Variants in L3MBTL4 observed in about 807,000 individuals in gnomAD.
L3MBTL4 encodes the protein L3MBTL histone methyl-lysine binding protein 4.
L3MBTL4 carries 70 observed loss-of-function variants against 84.5 expected under a neutral mutation model. That is an observed-to-expected ratio of 0.83 (90% CI 0.68 to 1.01). The LOEUF (loss-of-function observed/expected upper bound fraction) is 1.01, where lower values mean the gene tolerates loss of function less well. Ranked by LOEUF, L3MBTL4 falls within the 50% of genes least tolerant of loss-of-function variation. The probability of loss-of-function intolerance (pLI) is 0.00; values close to 1 mark genes in which losing one functional copy is unlikely to be tolerated. For synonymous variants in L3MBTL4, 274 were observed against 259.8 expected (o/e 1.05, Z -0.52); for missense variants, 715 against 754.8 (o/e 0.95, Z 0.62).
chr18:6,168,371 T>G (rs1390051245), intron 13 of L3MBTL4, among the ~76,000 whole-genome samples: 1 of 152,060 alleles, frequency 6.6e-6, no homozygotes, highest in African/African-American at 2.4e-5. Flanking sequence ...CATTGCCAAG[T>G]CAATCCTAAG....
intron 16 of L3MBTL4, among the ~76,000 whole-genome samples, chr18:6,053,755 A>C (rs2056918445): frequency 6.6e-6 from 1 of 152,072 alleles, no homozygotes; most frequent in Non-Finnish European, 1.5e-5. Context: ...TTCCCCAGTA[A>C]ACTCTTTCTT....
At chr18:6,249,898 T>G (rs1371816579) in intron 5 of L3MBTL4, among the ~76,000 whole-genome samples, 1 of 152,160 alleles carries the variant, frequency 6.6e-6, no homozygotes, top group Non-Finnish European at 1.5e-5. Context: ...GTGAATAAAC[T>G]TTCTCTAGGT....
intron 11 of L3MBTL4, among the ~76,000 whole-genome samples, chr18:6,213,666 C>A (rs1409544530): frequency 6.7e-6 from 1 of 148,890 alleles, no homozygotes; most frequent in African/African-American, 2.4e-5. Flanking sequence ...CCCACCTCGG[C>A]ATCCCAAAGT....
intron 16 of L3MBTL4, among the ~76,000 whole-genome samples, chr18:6,053,892 A>G (rs2145829263): frequency 6.6e-6 from 1 of 152,348 alleles, no homozygotes; most frequent in East Asian, 1.9e-4. Context: ...GAAAAAAATC[A>G]TGGCGTGCAA....
At chr18:6,358,729 T>G (rs1414077423) in intron 1 of L3MBTL4, among the ~76,000 whole-genome samples, 2 of 152,174 alleles carry the variant, frequency 1.3e-5, no homozygotes, top group African/African-American at 4.8e-5. Context: ...CTCAGGAAAC[T>G]TGGCTCTTCA....
chr18:6,040,591 TG>T (rs1464367842), intron 16 of L3MBTL4, among the ~76,000 whole-genome samples: 1 of 152,244 alleles, frequency 6.6e-6, no homozygotes, highest in Non-Finnish European at 1.5e-5. Context: ...CTGTTGAGTG[TG>T]GGTGATAGAC....
rs559096092 is a variant in L3MBTL4 at position 6,103,985 on chromosome 18, A to ATGCTC, written c.1200-10462_1200-10458dup. ...CCTGCTGCCCTCCCCACAACAAGCC[A>ATGCTC]TGCTCTGCGGAGTCCTGTGGGGCAC... On this transcript the variant is annotated intron_variant, in intron 14 of 18. Transcript: ENST00000317931. Among the ~76,000 whole-genome samples the ATGCTC allele has an allele frequency of 3.7e-4, 57 of 152,320 alleles. 2 individuals carry two copies. The East Asian group carries it at 9.8e-3, about 26-fold the overall frequency.
intron 15 of L3MBTL4, among the ~76,000 whole-genome samples, chr18:6,092,607 A>C: frequency 6.6e-6 from 1 of 152,186 alleles, no homozygotes; most frequent in South Asian, 2.1e-4. Context: ...CTCTCTGTCT[A>C]GCCTTTCTTG....
chr18:6,165,851 C>G (rs755529006), intron 13 of L3MBTL4, among the ~76,000 whole-genome samples: 6 of 152,062 alleles, frequency 3.9e-5, no homozygotes, highest in Admixed American at 1.3e-4. Context: ...AAATGTAAAT[C>G]GGCTAAATGC....
intron 17 of L3MBTL4, among the ~76,000 whole-genome samples, chr18:5,964,958 T>C (rs553659183): frequency 7.2e-5 from 11 of 152,274 alleles, no homozygotes; most frequent in African/African-American, 2.6e-4. Flanking sequence ...GATTCAAAGA[T>C]ATAAAAATAT....
chr18:6,147,571 G>A (rs148619654), intron 13 of L3MBTL4, among the ~76,000 whole-genome samples: 9 of 152,132 alleles, frequency 5.9e-5, no homozygotes, highest in African/African-American at 2.2e-4. Flanking sequence ...AAAGTACCAC[G>A]ATGGCAATAT....
At chr18:6,311,976 C>A (rs2050857016) in intron 2 of L3MBTL4, 22 bp downstream of exon 2, 1 of 232,862 alleles carries the variant, frequency 4.3e-6, no homozygotes. Flanking sequence ...CTGCAATCAG[C>A]CTGCACAGCT....
Position 6,244,004 on chromosome 18 carries a change from A to G in L3MBTL4, c.324+480T>C, listed in dbSNP as rs189788936. Among the ~76,000 whole-genome samples, 389 of 152,302 alleles carry G rather than the reference A, an allele frequency of 2.6e-3. 4 individuals are homozygous for G. The highest frequency in any genetic ancestry group is 0.014 in the Middle Eastern group (4 of 294). Reference sequence around the variant, plus strand: ...GTTCAATGCTATCAGAAATATAAAGATCTTTTATGGATTTAATAATATATT... The same window carrying G: ...GTTCAATGCTATCAGAAATATAAAGGTCTTTTATGGATTTAATAATATATT... On this transcript the variant is annotated intron_variant, in intron 6 of 18. Coordinates refer to ENST00000317931, the MANE Select transcript of L3MBTL4 (RefSeq NM_001330559.2).
At position 6,039,448 on chromosome 18, in the gene L3MBTL4, A is replaced by G. The variant is rs141475355; in HGVS notation, c.1444+41433T>C. Among the ~76,000 whole-genome samples the G allele has an allele frequency of 5.6e-4, 86 of 152,294 alleles. 1 individual carries two copies. In the East Asian group the frequency reaches 0.014, roughly 25 times the overall value. On this transcript the variant is annotated intron_variant, in intron 16 of 18. Coordinates refer to ENST00000317931, the MANE Select transcript of L3MBTL4 (RefSeq NM_001330559.2). Reference sequence around the variant, plus strand: ...CAATCCCTTTCTGAATGTCTGTGCTAAAGAAAAGAGCCTTCACTTTTTGAG... The same window carrying G: ...CAATCCCTTTCTGAATGTCTGTGCTGAAGAAAAGAGCCTTCACTTTTTGAG...
intron 18 of L3MBTL4, among the ~76,000 whole-genome samples, chr18:5,959,629 T>C (rs939184340): frequency 6.6e-6 from 1 of 152,134 alleles, no homozygotes; most frequent in Non-Finnish European, 1.5e-5. Flanking sequence ...ATGCTGACTT[T>C]GGAGTAGACA....
intron 13 of L3MBTL4, among the ~76,000 whole-genome samples, chr18:6,168,297 G>A (rs937122367): frequency 9.9e-5 from 15 of 152,230 alleles, no homozygotes; most frequent in African/African-American, 2.9e-4. Context: ...AGCTACCAAT[G>A]ACCTTCTTCA....
chr18:6,003,085 A>AACCAAAG (rs1567971037), intron 16 of L3MBTL4, among the ~76,000 whole-genome samples: 5 of 98,212 alleles, frequency 5.1e-5, no homozygotes, highest in Admixed American at 1.2e-4. Context: ...GATACTATAT[A>AACCAAAG]AAATATAGTA....
chr18:5,972,083 C>A (rs2052666306), intron 16 of L3MBTL4, among the ~76,000 whole-genome samples: 1 of 152,144 alleles, frequency 6.6e-6, no homozygotes, highest in South Asian at 2.1e-4. Context: ...TGCATGGGCA[C>A]TGGGGAAAGA....
intron 16 of L3MBTL4, among the ~76,000 whole-genome samples, chr18:6,059,839 C>G (rs1198903915): frequency 6.6e-6 from 1 of 152,132 alleles, no homozygotes; most frequent in Non-Finnish European, 1.5e-5. Context: ...TGCCTAGAGG[C>G]CATTAGAATG....
Sources: allele counts gnomAD v4.1 joint callset (sites outside exome capture counted in the v4.1 genomes callset), GRCh38; gene constraint gnomAD v4.1.1; transcripts MANE v1.5; gene names NCBI Gene and HGNC (gene_info 2026-07-23, HGNC 2026-07-21).